Variants in DMD observed in about 807,000 individuals in gnomAD.
DMD encodes dystrophin.
DMD carries 63 observed loss-of-function variants against 330.1 expected under a neutral mutation model. The ratio of observed to expected loss-of-function variants is 0.19; its 90% CI spans 0.16 to 0.24. The LOEUF (loss-of-function observed/expected upper bound fraction) is 0.24, where lower values mean the gene tolerates loss of function less well. Among genes scored for constraint, DMD ranks in the 10% least tolerant of loss-of-function variants. The pLI, the probability that DMD is intolerant of heterozygous loss-of-function variation, is 1.00. For synonymous variants in DMD, 1,223 were observed against 959.8 expected (o/e 1.27, Z -5.07); for missense variants, 3,344 against 2,684.1 (o/e 1.25, Z -5.43).
chrX:32,959,505 C>G (rs755967930), intron 2 of DMD, among the ~76,000 whole-genome samples: 3 of 111,741 alleles, frequency 2.7e-5, no homozygotes, highest in Non-Finnish European at 5.6e-5. Flanking sequence ...GCCACTCTTA[C>G]TAAATACTCA....
rs766862711 is a variant in DMD at position 31,492,216 on chromosome X, A to G, written c.8547+4572T>C. Among the ~76,000 whole-genome samples the G allele has an allele frequency of 2.7e-5, 3 of 112,740 alleles. No individual in the cohort carries two copies. In the Admixed American group the frequency reaches 2.8e-4, roughly 11 times the overall value. On this transcript the variant is annotated intron_variant, in intron 57 of 78. Transcript: ENST00000357033. ...CAAAGTAAAACAAAAGTCCACAAATATAAGATCTGTCAACTATTAGATCTT... is the reference window on the plus strand; with the variant it reads ...CAAAGTAAAACAAAAGTCCACAAATGTAAGATCTGTCAACTATTAGATCTT...
At position 32,501,856 on chromosome X, in the gene DMD, G is replaced by A; in HGVS notation, c.2293-14C>T. The stretch of plus-strand genomic sequence containing the variant: ...TCGCTCTATGGCCTGCAGCATGAGA[G>A]CAAAGATGAGTAATTCAATACAAGG... On this transcript the variant is annotated splice_polypyrimidine_tract_variant and intron_variant, in intron 18 of 78. Coordinates refer to ENST00000357033, the MANE Select transcript of DMD (RefSeq NM_004006.3). 1 of 1,141,843 alleles carries A rather than the reference G, an allele frequency of 8.8e-7. No individual in the cohort carries two copies. 94.1% of individuals were successfully genotyped at this position (1,141,843 alleles called of 1,213,427 possible).
At chrX:32,750,323 A>G (rs1476776981) in intron 7 of DMD, among the ~76,000 whole-genome samples, 1 of 111,942 alleles carries the variant, frequency 8.9e-6, no homozygotes, top group Non-Finnish European at 1.9e-5. Context: ...AATTCTGACA[A>G]AAGGGAGAAA....
chrX:32,320,066 A>T (rs752324843), intron 41 of DMD, among the ~76,000 whole-genome samples: 1 of 111,210 alleles, frequency 9.0e-6, no homozygotes, highest in Non-Finnish European at 1.9e-5. Context: ...ACAAGAAAAA[A>T]TAAGTATGGA....
At chrX:31,923,528 A>T (rs189645932) in intron 47 of DMD, among the ~76,000 whole-genome samples, 28 of 110,840 alleles carry the variant, frequency 2.5e-4, no homozygotes, top group Middle Eastern at 4.7e-3. Flanking sequence ...TTACATAAAG[A>T]AAACATTCAA....
intron 9 of DMD, among the ~76,000 whole-genome samples, chrX:32,686,198 C>T (rs2062848484): frequency 1.8e-5 from 2 of 111,496 alleles, no homozygotes; most frequent in South Asian, 7.5e-4. Flanking sequence ...AGGATATGTG[C>T]TGCCAGAATT....
chrX:33,095,266 C>A (rs1283527486), intron 1 of DMD, among the ~76,000 whole-genome samples: 1 of 112,275 alleles, frequency 8.9e-6, no homozygotes, highest in Non-Finnish European at 1.9e-5. Context: ...TTTAAAATTC[C>A]ATTACTTCTG....
chrX:31,324,334 T>C (rs983150672), intron 61 of DMD, among the ~76,000 whole-genome samples: 3 of 110,695 alleles, frequency 2.7e-5, no homozygotes, highest in African/African-American at 6.6e-5. Context: ...TTTCACATAC[T>C]AGGAATTTGT....
At chrX:32,616,690 CTTTTTTTTTTTTT>C (rs1173392895) in intron 11 of DMD, among the ~76,000 whole-genome samples, 5 of 60,223 alleles carry the variant, frequency 8.3e-5, no homozygotes, top group Admixed American at 2.2e-4. Context: ...GTTCTGGTTC[CTTTTTTTTTTTTT>C]TTTTTTTTTT....
chrX:33,291,894 G>T (rs1309227444), intron 1 of DMD, among the ~76,000 whole-genome samples: 3 of 111,502 alleles, frequency 2.7e-5, no homozygotes, highest in Non-Finnish European at 5.7e-5. Context: ...GACCACACTT[G>T]TATTAGGGAA....
At chrX:33,174,385 A>T (rs2049531443) in intron 1 of DMD, among the ~76,000 whole-genome samples, 1 of 111,502 alleles carries the variant, frequency 9.0e-6, no homozygotes, top group Non-Finnish European at 1.9e-5. Context: ...GTTGCTGTGG[A>T]TTTCTTCATA....
At position 31,159,088 on chromosome X, in the gene DMD, G is replaced by T. The variant is rs185042840; in HGVS notation, c.10553+10355C>A. Among the ~76,000 whole-genome samples, 8 of 111,728 alleles carry T rather than the reference G, an allele frequency of 7.2e-5. No homozygotes were observed. The East Asian group carries it at 2.2e-3, about 31-fold the overall frequency. On this transcript the variant is annotated intron_variant, in intron 74 of 78. Coordinates refer to ENST00000357033, the MANE Select transcript of DMD (RefSeq NM_004006.3). ...ATCAAGTAACAGAAAAACTCCAAAGGATATTTACCCATTCATTTTTATGAC... is the reference window on the plus strand; with the variant it reads ...ATCAAGTAACAGAAAAACTCCAAAGTATATTTACCCATTCATTTTTATGAC...
chrX:31,911,710 G>C (rs1184106555), intron 47 of DMD, among the ~76,000 whole-genome samples: 2 of 111,676 alleles, frequency 1.8e-5, no homozygotes, highest in Non-Finnish European at 3.8e-5. Context: ...GGTGGTTCAA[G>C]AAGTTTTTCA....
At chrX:31,489,284 G>A (rs1428563169) in intron 57 of DMD, among the ~76,000 whole-genome samples, 6 of 111,762 alleles carry the variant, frequency 5.4e-5, no homozygotes, top group Non-Finnish European at 9.4e-5. Flanking sequence ...GGGACTACAG[G>A]CACGTGTCAC....
intron 62 of DMD, among the ~76,000 whole-genome samples, chrX:31,263,470 T>G (rs1412178790): frequency 8.9e-6 from 1 of 112,179 alleles, no homozygotes; most frequent in African/African-American, 3.2e-5. Context: ...GAAATTATTT[T>G]TTTTTAATCC....
intron 67 of DMD, among the ~76,000 whole-genome samples, chrX:31,197,957 C>T (rs1306873557): frequency 3.9e-5 from 4 of 101,673 alleles, no homozygotes; most frequent in African/African-American, 1.1e-4. Context: ...AACCGGAAGA[C>T]GTTATGTTGA....
At chrX:31,600,655 G>A (rs2077314315) in intron 55 of DMD, among the ~76,000 whole-genome samples, 1 of 106,969 alleles carries the variant, frequency 9.3e-6, no homozygotes, top group African/African-American at 3.4e-5. Flanking sequence ...ACCAAGGAGA[G>A]GACTAGCAAA....
At chrX:31,987,354 AAT>A (rs2095516877) in intron 44 of DMD, among the ~76,000 whole-genome samples, 2 of 111,643 alleles carry the variant, frequency 1.8e-5, no homozygotes, top group South Asian at 7.5e-4. Flanking sequence ...TACTGTTGAC[AAT>A]AGTCTCCATA....
intron 9 of DMD, among the ~76,000 whole-genome samples, chrX:32,662,343 A>G (rs1468993391): frequency 8.9e-6 from 1 of 111,937 alleles, no homozygotes; most frequent in Non-Finnish European, 1.9e-5. Flanking sequence ...TTGAGTAGAA[A>G]ACTCATGCAG....
Sources: gnomAD v4.1 joint callset for allele counts (sites outside exome capture counted in the v4.1 genomes callset) on GRCh38, gnomAD v4.1.1 for gene constraint, MANE v1.5 for transcripts, NCBI Gene and HGNC (gene_info 2026-07-23, HGNC 2026-07-21) for gene names.